ZNF804A: variants seen among roughly 807,000 people sequenced by gnomAD.
ZNF804A encodes zinc finger protein 804A.
In ZNF804A, 2 loss-of-function variants were observed where a neutral mutation model predicts 16.5. The ratio of observed to expected loss-of-function variants is 0.12; its 90% confidence interval spans 0.05 to 0.38. The LOEUF is 0.38. Among genes scored for constraint, ZNF804A ranks in the 10% least tolerant of loss-of-function variants. The pLI, the probability that ZNF804A is intolerant of heterozygous loss-of-function variation, is 0.99. For missense variants in ZNF804A, 1,473 were observed against 1,390.7 expected (o/e 1.06, Z -0.94); for synonymous variants, 534 against 489.6 (o/e 1.09, Z -1.20).
intron 1 of ZNF804A, among the ~76,000 whole-genome samples, chr2:184,653,813 G>A (rs1216660731): frequency 1.3e-5 from 2 of 152,138 alleles, no homozygotes; most frequent in East Asian, 1.9e-4. Flanking sequence ...GGCTTTTAAT[G>A]TCCATGCCCA....
At chr2:184,676,435 T>C (rs184588260) in intron 1 of ZNF804A, among the ~76,000 whole-genome samples, 267 of 151,766 alleles carry the variant, frequency 1.8e-3, no homozygotes, top group Middle Eastern at 6.8e-3. Flanking sequence ...AAAAATAGTT[T>C]AACATATTAT....
chr2:184,772,082 C>A (rs1694223997), intron 1 of ZNF804A, among the ~76,000 whole-genome samples: 3 of 151,982 alleles, frequency 2.0e-5, no homozygotes, highest in African/African-American at 7.2e-5. Context: ...TGTTCTATTT[C>A]TTGATATTTT....
chr2:184,683,337 C>G (rs1692572845), intron 1 of ZNF804A, among the ~76,000 whole-genome samples: 1 of 152,140 alleles, frequency 6.6e-6, no homozygotes, highest in Non-Finnish European at 1.5e-5. Context: ...ACCTCTTTCG[C>G]TATACAACTT....
chr2:184,774,434 A>G (rs1694258497), intron 1 of ZNF804A, among the ~76,000 whole-genome samples: 1 of 151,844 alleles, frequency 6.6e-6, no homozygotes, highest in South Asian at 2.1e-4. Flanking sequence ...ATTTCTTTGT[A>G]GATGGTTCTC....
intron 1 of ZNF804A, among the ~76,000 whole-genome samples, chr2:184,721,454 CA>C (rs1397452445): frequency 4.6e-5 from 7 of 151,908 alleles, no homozygotes; most frequent in Non-Finnish European, 8.8e-5. Context: ...ATAAGACATA[CA>C]AACGTCCAAC....
At chr2:184,607,094 A>T (rs1027172814) in intron 1 of ZNF804A, among the ~76,000 whole-genome samples, 1 of 152,188 alleles carries the variant, frequency 6.6e-6, no homozygotes, top group African/African-American at 2.4e-5. Context: ...CAATAACTTT[A>T]TCTGAAATGT....
chr2:184,840,122 T>A (rs1375241557), intron 1 of ZNF804A, among the ~76,000 whole-genome samples: 2 of 152,128 alleles, frequency 1.3e-5, no homozygotes, highest in African/African-American at 4.8e-5. Context: ...ATCGTGGTGG[T>A]TCACACCTGT....
chr2:184,620,843 C>T (rs1483567227), intron 1 of ZNF804A, among the ~76,000 whole-genome samples: 1 of 151,306 alleles, frequency 6.6e-6, no homozygotes, highest in Admixed American at 6.6e-5. Flanking sequence ...AACATCCTAT[C>T]GATATTTTTA....
At chr2:184,603,763 T>A (rs888636087) in intron 1 of ZNF804A, among the ~76,000 whole-genome samples, 1 of 152,200 alleles carries the variant, frequency 6.6e-6, no homozygotes, top group African/African-American at 2.4e-5. Context: ...ACACAAGCAG[T>A]CCAATTATAT....
intron 1 of ZNF804A, among the ~76,000 whole-genome samples, chr2:184,673,746 G>C (rs909827357): frequency 2.0e-5 from 3 of 152,034 alleles, no homozygotes; most frequent in African/African-American, 7.2e-5. Context: ...AAAGAAAAAC[G>C]GGCAAAGGGA....
intron 1 of ZNF804A, among the ~76,000 whole-genome samples, chr2:184,784,134 T>C (rs1037077334): frequency 4.6e-5 from 7 of 152,034 alleles, no homozygotes; most frequent in Admixed American, 3.3e-4. Flanking sequence ...CATGAATCAC[T>C]GTGCTTCATG....
rs1691003368 is a variant in ZNF804A at position 184,599,018 on chromosome 2, A to G, written c.59A>G (p.Asn20Ser). 3.7e-6 allele frequency: 6 copies of G among 1,614,152 alleles called. No homozygotes were observed. Among genetic ancestry groups the G allele is most frequent in the Non-Finnish European group, 5.1e-6 (6 of 1,179,990 alleles). Residue 20 changes from asparagine (N) to serine (S), a missense_variant, in exon 1 of 4, where the codon AAC becomes AGC. Coordinates refer to ENST00000302277, the MANE Select transcript of ZNF804A (RefSeq NM_194250.2). ...STHLSNGHFR[N>S]IKGVFRGPLS... The stretch of plus-strand genomic sequence containing the variant: ...CATCTCAGCAACGGACACTTTCGCA[A>G]CATCAAGGGAGTTTTCCGGGGCCCT...
intron 1 of ZNF804A, among the ~76,000 whole-genome samples, chr2:184,782,921 T>C (rs1213567529): frequency 1.3e-5 from 2 of 150,708 alleles, no homozygotes; most frequent in African/African-American, 4.9e-5. Context: ...CAGGAGAGTA[T>C]TGTGTTTCAA....
intron 1 of ZNF804A, among the ~76,000 whole-genome samples, chr2:184,710,299 A>G (rs1451511537): frequency 1.3e-5 from 2 of 151,606 alleles, no homozygotes; most frequent in Non-Finnish European, 3.0e-5. Context: ...CCTTTACAAT[A>G]ATATTTTTCC....
chr2:184,622,488 A>G (rs935005293), intron 1 of ZNF804A, among the ~76,000 whole-genome samples: 5 of 151,972 alleles, frequency 3.3e-5, no homozygotes, highest in Admixed American at 2.0e-4. Flanking sequence ...AGATATTAAT[A>G]TAATATTTTA....
intron 2 of ZNF804A, among the ~76,000 whole-genome samples, chr2:184,874,299 A>G (rs962285011): frequency 2.6e-5 from 4 of 152,142 alleles, no homozygotes; most frequent in African/African-American, 9.6e-5. Flanking sequence ...ATATATTCTA[A>G]TTATTAAACT....
chr2:184,834,923 G>T (rs1695320156), intron 1 of ZNF804A, among the ~76,000 whole-genome samples: 1 of 152,084 alleles, frequency 6.6e-6, no homozygotes, highest in African/African-American at 2.4e-5. Context: ...ATATTTTCAT[G>T]AAAGTTATGA....
chr2:184,813,835 C>T (rs1417690836), intron 1 of ZNF804A, among the ~76,000 whole-genome samples: 2 of 151,802 alleles, frequency 1.3e-5, no homozygotes, highest in Non-Finnish European at 2.9e-5. Flanking sequence ...CTTCTTTCCT[C>T]ATAAAACTTT....
At chr2:184,630,048 G>T (rs1418392469) in intron 1 of ZNF804A, among the ~76,000 whole-genome samples, 1 of 152,024 alleles carries the variant, frequency 6.6e-6, no homozygotes. Context: ...GTCCTCCAGG[G>T]CTCTATTTAG....
Sources: gnomAD v4.1 joint callset for allele counts (sites outside exome capture counted in the v4.1 genomes callset) on GRCh38, gnomAD v4.1.1 for gene constraint, MANE v1.5 for transcripts, NCBI Gene and HGNC (gene_info 2026-07-23, HGNC 2026-07-21) for gene names.